MRPS27: variants seen among roughly 807,000 people sequenced by gnomAD.
MRPS27 encodes the protein small ribosomal subunit protein mS27.
In MRPS27, 43 loss-of-function variants were observed where a neutral mutation model predicts 48.9. The ratio of observed to expected loss-of-function variants is 0.88; its 90% CI spans 0.69 to 1.13. MRPS27 has a LOEUF of 1.13. MRPS27 is among the 50% of genes most tolerant of loss of function. MRPS27 has a pLI of 0.00. For missense variants in MRPS27, 467 were observed against 476.3 expected, an observed-to-expected ratio of 0.98 and a Z score of 0.18; for synonymous variants, 188 against 171.9, an observed-to-expected ratio of 1.09 and a Z score of -0.73.
At chr5:72,281,190 A>G (rs1390794853) in intron 4 of MRPS27, among the ~76,000 whole-genome samples, 2 of 152,242 alleles carry the variant, frequency 1.3e-5, no homozygotes, top group Non-Finnish European at 2.9e-5. Flanking sequence ...GTTACAATCT[A>G]GTATAGTCAA....
chr5:72,289,631 C>A (rs1450924216), intron 4 of MRPS27, among the ~76,000 whole-genome samples: 1 of 151,986 alleles, frequency 6.6e-6, no homozygotes, highest in Non-Finnish European at 1.5e-5. Context: ...TTATGTTGCC[C>A]AGGCTGGTAT....
At chr5:72,297,741 T>A (rs374522059) in intron 2 of MRPS27, 39 bp from the exon 3 acceptor site, 1 of 1,371,648 alleles carries the variant, frequency 7.3e-7, no homozygotes, top group Admixed American at 2.2e-5. Context: ...TTGTTAAAGA[T>A]ACATATTTTT....
At chr5:72,262,393 G>GA (rs1004917152) in intron 4 of MRPS27, among the ~76,000 whole-genome samples, 7 of 151,420 alleles carry the variant, frequency 4.6e-5, no homozygotes, top group Non-Finnish European at 1.0e-4. Context: ...CCCTTCCCCA[G>GA]AAAAAAACCC....
intron 4 of MRPS27, among the ~76,000 whole-genome samples, chr5:72,275,750 C>T (rs1288922739): frequency 6.6e-6 from 1 of 152,190 alleles, no homozygotes; most frequent in Non-Finnish European, 1.5e-5. Flanking sequence ...GCAAGTCCTG[C>T]CCCTGTACCC....
At chr5:72,286,509 G>A (rs1372403451) in intron 4 of MRPS27, among the ~76,000 whole-genome samples, 1 of 152,130 alleles carries the variant, frequency 6.6e-6, no homozygotes, top group East Asian at 1.9e-4. Context: ...AACAAGTGGT[G>A]CTGACACAAT....
In MRPS27 at chr5:72,259,285, A is replaced by G. The variant is rs192995961; in HGVS notation, c.282-21157T>C. 5.3e-5 allele frequency among the ~76,000 whole-genome samples: 8 copies of G among 152,232 alleles called. No homozygotes were observed. The East Asian group carries it at 1.5e-3, about 29-fold the overall frequency. On this transcript the variant is annotated intron_variant, in intron 4 of 10. Transcript: ENST00000261413. ...GGAGTTTGAGACCAGCCTGACCAACATGGTGAAACCCTGTCTCTACTAAAA... is the reference window on the plus strand; with the variant it reads ...GGAGTTTGAGACCAGCCTGACCAACGTGGTGAAACCCTGTCTCTACTAAAA...
At chr5:72,225,447 G>A (rs565697090) in intron 9 of MRPS27, among the ~76,000 whole-genome samples, 4 of 152,278 alleles carry the variant, frequency 2.6e-5, no homozygotes, top group Non-Finnish European at 4.4e-5. Flanking sequence ...GGTGTAAGGC[G>A]CATCATGTCT....
intron 4 of MRPS27, among the ~76,000 whole-genome samples, chr5:72,290,616 AG>A (rs1371838854): frequency 1.6e-4 from 25 of 152,228 alleles, no homozygotes; most frequent in Non-Finnish European, 3.2e-4. Flanking sequence ...AGTAAAATAA[AG>A]ATGCAAATCT....
chr5:72,312,830 G>A (rs932118895), intron 2 of MRPS27, among the ~76,000 whole-genome samples: 1 of 151,980 alleles, frequency 6.6e-6, no homozygotes, highest in African/African-American at 2.4e-5. Context: ...ATCTTGGCCA[G>A]GTTGGTCTCA....
chr5:72,289,134 C>T (rs866647835), intron 4 of MRPS27, among the ~76,000 whole-genome samples: 1 of 152,228 alleles, frequency 6.6e-6, no homozygotes, highest in South Asian at 2.1e-4. Flanking sequence ...CTATCCATCT[C>T]CAACCAGGGA....
At chr5:72,317,539 C>T (rs773850730) in intron 1 of MRPS27, among the ~76,000 whole-genome samples, 1 of 151,926 alleles carries the variant, frequency 6.6e-6, no homozygotes, top group African/African-American at 2.4e-5. Flanking sequence ...TGCGCCACCA[C>T]GCCTAATTTT....
chr5:72,250,634 T>A (rs1748640864), intron 4 of MRPS27, among the ~76,000 whole-genome samples: 1 of 152,220 alleles, frequency 6.6e-6, no homozygotes, highest in African/African-American at 2.4e-5. Flanking sequence ...TTATCATTTT[T>A]AAAATAGAGA....
intron 4 of MRPS27, among the ~76,000 whole-genome samples, chr5:72,238,745 C>G (rs1748272389): frequency 6.6e-6 from 1 of 152,202 alleles, no homozygotes; most frequent in Non-Finnish European, 1.5e-5. Context: ...TCCCTTACTT[C>G]CTATAGCTCC....
At chr5:72,281,857 A>G (rs536152137) in intron 4 of MRPS27, among the ~76,000 whole-genome samples, 149 of 152,340 alleles carry the variant, frequency 9.8e-4, no homozygotes, top group African/African-American at 3.5e-3. Context: ...TTTACCAATG[A>G]AGACTAATGA....
At chr5:72,313,851 T>C (rs1750500667) in intron 2 of MRPS27, among the ~76,000 whole-genome samples, 1 of 152,226 alleles carries the variant, frequency 6.6e-6, no homozygotes, top group South Asian at 2.1e-4. Context: ...AGGAACTGTT[T>C]ACATATTCTA....
In MRPS27 at chr5:72,298,578, C is replaced by T. The variant is rs533369607; in HGVS notation, c.152-876G>A. The stretch of plus-strand genomic sequence containing the variant: ...AAAATTAGCCGGGCGCGGTGGCGGG[C>T]GCCTGTAGTCCCAGCTACTGGGGAG... On this transcript the variant is annotated intron_variant, in intron 2 of 10. Coordinates refer to ENST00000261413, the MANE Select transcript of MRPS27 (RefSeq NM_015084.3). Among the ~76,000 whole-genome samples the T allele has an allele frequency of 6.1e-3, 921 of 151,926 alleles. 7 individuals carry two copies. The highest frequency in any genetic ancestry group is 0.02 in the African/African-American group (833 of 41,470).
intron 4 of MRPS27, among the ~76,000 whole-genome samples, chr5:72,275,423 G>T (rs559163325): frequency 2.0e-4 from 30 of 152,116 alleles, no homozygotes; most frequent in Non-Finnish European, 4.1e-4. Flanking sequence ...ATGGATAGGA[G>T]GAATCAATAT....
chr5:72,314,498 C>T lies in MRPS27; in HGVS notation c.74-340G>A, dbSNP rs557854621. On this transcript the variant is annotated intron_variant, in intron 1 of 10. Transcript: ENST00000261413. ...ACAGGAATTTTGATGTGCTCAGTTT[C>T]CAACCTGGTTCACCCTTCCTGAAGC... The T allele has an allele frequency of 1.1e-4, 20 of 177,222 alleles. 1 individual carries two copies. The South Asian group carries it at 2.4e-3, about 22-fold the overall frequency. 11.0% of individuals were successfully genotyped at this position (177,222 alleles called of 1,614,324 possible). A position where few individuals can be genotyped will look rare whatever the true frequency, so the allele number is the denominator to read the frequency against.
chr5:72,295,393 C>T, intron 4 of MRPS27, 138 bp downstream of exon 4: 1 of 609,368 alleles, frequency 1.6e-6, no homozygotes, highest in Non-Finnish European at 2.9e-6. Context: ...ATCAGAAACT[C>T]TCTCTATACT....
Sources: allele counts gnomAD v4.1 joint callset (sites outside exome capture counted in the v4.1 genomes callset), GRCh38; gene constraint gnomAD v4.1.1; transcripts MANE v1.5; gene names NCBI Gene and HGNC (gene_info 2026-07-23, HGNC 2026-07-21).